ATF2: variants seen among roughly 807,000 people sequenced by gnomAD.
ATF2 encodes cyclic AMP-dependent transcription factor ATF-2.
In ATF2, 24 loss-of-function variants were observed where a neutral mutation model predicts 60.6. The ratio of observed to expected loss-of-function variants is 0.40; its 90% CI spans 0.29 to 0.56. The LOEUF (loss-of-function observed/expected upper bound fraction) is 0.56. Ranked by LOEUF, ATF2 falls within the 20% of genes least tolerant of loss-of-function variation. The pLI is 0.54. For synonymous variants in ATF2, 206 were observed against 215.4 expected (o/e 0.96, Z 0.38); for missense variants, 433 against 607.7 (o/e 0.71, Z 3.02).
At chr2:175,160,030 G>A (rs1237229577) in intron 1 of ATF2, among the ~76,000 whole-genome samples, 2 of 152,160 alleles carry the variant, frequency 1.3e-5, no homozygotes, top group East Asian at 3.9e-4. Context: ...GTAATTCATA[G>A]TCATCACCAT....
At chr2:175,118,837 A>C (rs1696760901) in intron 5 of ATF2, among the ~76,000 whole-genome samples, 1 of 151,690 alleles carries the variant, frequency 6.6e-6, no homozygotes, top group Non-Finnish European at 1.5e-5. Context: ...AAGATAAAAC[A>C]ATCTTTAATA....
intron 1 of ATF2, among the ~76,000 whole-genome samples, chr2:175,159,510 A>G (rs545639533): frequency 6.6e-6 from 1 of 152,254 alleles, no homozygotes; most frequent in South Asian, 2.1e-4. Flanking sequence ...GACATGAGAG[A>G]GGTCCTTCAC....
intron 1 of ATF2, among the ~76,000 whole-genome samples, chr2:175,165,127 T>TG (rs1287047797): frequency 1.5e-5 from 1 of 66,742 alleles, no homozygotes; most frequent in African/African-American, 3.6e-5. Context: ...CTGGCTAAGG[T>TG]GGGATTTTTT....
At chr2:175,136,552 A>T in intron 2 of ATF2, 66 bp from the exon 3 acceptor site, 2 of 1,059,722 alleles carry the variant, frequency 1.9e-6, no homozygotes, top group East Asian at 4.8e-5. Flanking sequence ...ACAGTAGAAA[A>T]TAAAGTGCTC....
chr2:175,113,299 C>T (rs1327830752), intron 9 of ATF2, among the ~76,000 whole-genome samples: 1 of 149,426 alleles, frequency 6.7e-6, no homozygotes, highest in Non-Finnish European at 1.5e-5. Context: ...TGGGGTCTTG[C>T]CCTGTCATCC....
At chr2:175,164,193 A>G (rs995186824) in intron 1 of ATF2, among the ~76,000 whole-genome samples, 7 of 149,374 alleles carry the variant, frequency 4.7e-5, no homozygotes, top group Non-Finnish European at 8.9e-5. Context: ...ATATTTATTT[A>G]TATTTATATA....
chr2:175,107,571 TGGTCTCCCTCTCCCTCTCTTTCCAC>T (rs1695762722), intron 10 of ATF2, among the ~76,000 whole-genome samples: 3 of 149,386 alleles, frequency 2.0e-5, no homozygotes, highest in African/African-American at 5.0e-5. Flanking sequence ...CCTCTCCCCA[TGGTCTCCCTCTCCCTCTCTTTCCAC>T]GGTCTCCCTC....
At chr2:175,149,749 C>T (rs768659755) in intron 2 of ATF2, among the ~76,000 whole-genome samples, 16 of 152,144 alleles carry the variant, frequency 1.1e-4, no homozygotes, top group South Asian at 2.1e-4. Context: ...TACCTCCTAA[C>T]CAGTCTTAGG....
At chr2:175,085,580 ACAC>A (rs1694107907) in intron 12 of ATF2, among the ~76,000 whole-genome samples, 1 of 151,276 alleles carries the variant, frequency 6.6e-6, no homozygotes, top group Non-Finnish European at 1.5e-5. Flanking sequence ...ACACACACAC[ACAC>A]ACACACACAC....
chr2:175,094,255 G>A (rs1019276248), intron 11 of ATF2, among the ~76,000 whole-genome samples: 10 of 151,836 alleles, frequency 6.6e-5, no homozygotes, highest in South Asian at 2.1e-4. Context: ...TTAGCTGAGC[G>A]TGGTGGTGCA....
At chr2:175,150,501 C>G (rs1699240532) in intron 2 of ATF2, among the ~76,000 whole-genome samples, 1 of 152,024 alleles carries the variant, frequency 6.6e-6, no homozygotes, top group African/African-American at 2.4e-5. Context: ...CATTCTGTGG[C>G]TGGCACACAG....
chr2:175,090,267 G>A (rs979001859), intron 12 of ATF2, among the ~76,000 whole-genome samples: 3 of 152,038 alleles, frequency 2.0e-5, no homozygotes, highest in Admixed American at 6.5e-5. Context: ...AACATCTGAT[G>A]TTTGTTCTAT....
chr2:175,084,411 A>G (rs998259650), intron 12 of ATF2, among the ~76,000 whole-genome samples: 4 of 148,786 alleles, frequency 2.7e-5, no homozygotes, highest in African/African-American at 9.9e-5. Flanking sequence ...ACCAAACACC[A>G]CATGTTCTCA....
At chr2:175,152,505 A>G (rs1444494716) in intron 1 of ATF2, among the ~76,000 whole-genome samples, 1 of 152,184 alleles carries the variant, frequency 6.6e-6, no homozygotes, top group Non-Finnish European at 1.5e-5. Flanking sequence ...GCATTAAGAA[A>G]AGGCACAATA....
At chr2:175,093,447 T>C (rs1694691488) in intron 11 of ATF2, among the ~76,000 whole-genome samples, 180 bp from the exon 12 acceptor site, 1 of 152,200 alleles carries the variant, frequency 6.6e-6, no homozygotes, top group Non-Finnish European at 1.5e-5. Flanking sequence ...AATATACTTA[T>C]GTTATGAGCT....
intron 1 of ATF2, among the ~76,000 whole-genome samples, chr2:175,153,539 A>G (rs935763059): frequency 3.3e-5 from 5 of 152,180 alleles, no homozygotes; most frequent in Non-Finnish European, 5.9e-5. Flanking sequence ...AAAAGATTTT[A>G]GGCTGGGTGC....
intron 12 of ATF2, among the ~76,000 whole-genome samples, chr2:175,086,490 G>A (rs1694177167): frequency 6.6e-6 from 1 of 152,162 alleles, no homozygotes; most frequent in Admixed American, 6.5e-5. Context: ...GTTGGAAATA[G>A]GATGCTCATG....
At chr2:175,088,323 G>T (rs991659636) in intron 12 of ATF2, among the ~76,000 whole-genome samples, 1 of 152,040 alleles carries the variant, frequency 6.6e-6, no homozygotes, top group East Asian at 1.9e-4. Context: ...GTATTATAAT[G>T]TATCTTCCAA....
At chr2:175,080,576 C>T in intron 13 of ATF2, 84 bp downstream of exon 13, 2 of 1,002,492 alleles carry the variant, frequency 2.0e-6, no homozygotes, top group South Asian at 1.8e-5. Flanking sequence ...AGCACAGTCT[C>T]CATTTTTAAA....
Sources: allele counts gnomAD v4.1 joint callset (sites outside exome capture counted in the v4.1 genomes callset), GRCh38; gene constraint gnomAD v4.1.1; transcripts MANE v1.5; gene names NCBI Gene and HGNC (gene_info 2026-07-23, HGNC 2026-07-21).